The following SORBS2 variants were observed in gnomAD, a reference collection of about 807,000 sequenced individuals.
SORBS2 encodes the protein sorbin and SH3 domain-containing protein 2.
Under a neutral mutation model 97.7 loss-of-function variants are expected in SORBS2, and 46 were observed. The ratio of observed to expected loss-of-function variants is 0.47; its 90% confidence interval spans 0.37 to 0.60. SORBS2 has a LOEUF of 0.60. SORBS2 is among the 20% of genes least tolerant of loss of function. The probability of loss-of-function intolerance (pLI) is 0.00; values close to 1 mark genes in which losing one functional copy is unlikely to be tolerated. For missense variants in SORBS2, 1,316 were observed against 1,282.3 expected, an observed-to-expected ratio of 1.03 and a Z score of -0.40; for synonymous variants, 476 against 473.4, an observed-to-expected ratio of 1.01 and a Z score of -0.07.
intron 4 of SORBS2, among the ~76,000 whole-genome samples, chr4:185,631,622 C>T (rs1383236193): frequency 6.6e-6 from 1 of 152,086 alleles, no homozygotes; most frequent in Non-Finnish European, 1.5e-5. Context: ...ACGAGCCAGG[C>T]ATGGTGACAC....
chr4:185,682,731 C>A (rs2097889339), intron 2 of SORBS2, among the ~76,000 whole-genome samples: 1 of 152,024 alleles, frequency 6.6e-6, no homozygotes, highest in Admixed American at 6.6e-5. Context: ...AAAAAGGGGG[C>A]CAGGTGTAGT....
chr4:185,639,071 G>A (rs1292145102), intron 4 of SORBS2, 36 bp from the exon 14 acceptor site: 13 of 1,492,554 alleles, frequency 8.7e-6, no homozygotes, highest in Non-Finnish European at 1.2e-5. Flanking sequence ...TGGTTCATTA[G>A]ATGGAGGCTC....
In SORBS2 at chr4:185,742,378, C is replaced by T. The variant is rs998836942; in HGVS notation, c.-198+32849G>A. ...ATTGGCCACTTAACCTTGCATATCA[C>T]AAGATGGGAATAATAAGGCACCTGC... On this transcript the variant is annotated intron_variant, in intron 2 of 20. Coordinates refer to the SORBS2 transcript ENST00000284776. 5.9e-5 allele frequency among the ~76,000 whole-genome samples: 9 copies of T among 152,290 alleles called. No individual in the cohort carries two copies. In the East Asian group the frequency reaches 1.7e-3, roughly 29 times the overall value.
intron 2 of SORBS2, among the ~76,000 whole-genome samples, chr4:185,689,370 A>G (rs61267136): frequency 0.11 from 17,257 of 152,204 alleles, 1,144 homozygotes; most frequent in African/African-American, 0.18. Flanking sequence ...TGGGCTCTAC[A>G]TTCTATTTGC....
At chr4:185,739,757 A>G (rs2098710883) in intron 2 of SORBS2, among the ~76,000 whole-genome samples, 1 of 152,226 alleles carries the variant, frequency 6.6e-6, no homozygotes, top group Admixed American at 6.5e-5. Flanking sequence ...CATGGCACTG[A>G]TTCTGAAATG....
At chr4:185,942,480 A>T (rs1483709950) in intron 1 of SORBS2, among the ~76,000 whole-genome samples, 1 of 151,678 alleles carries the variant, frequency 6.6e-6, no homozygotes. Flanking sequence ...CCTCCTGAGT[A>T]GCTGGGATTA....
At chr4:185,903,289 T>C (rs1446597368) in intron 1 of SORBS2, among the ~76,000 whole-genome samples, 1 of 152,212 alleles carries the variant, frequency 6.6e-6, no homozygotes, top group African/African-American at 2.4e-5. Flanking sequence ...TTAAGATTAG[T>C]GTGAGGTTTA....
intron 1 of SORBS2, among the ~76,000 whole-genome samples, chr4:185,954,408 C>CATAA (rs150196185): frequency 0.19 from 29,284 of 151,992 alleles, 3,361 homozygotes; most frequent in East Asian, 0.58. Context: ...TTATATTACA[C>CATAA]ATAAATGCTT....
chr4:185,888,085 C>T (rs2099240631), intron 1 of SORBS2, among the ~76,000 whole-genome samples: 1 of 116,462 alleles, frequency 8.6e-6, no homozygotes, highest in East Asian at 3.5e-4. Context: ...TATTATTTTG[C>T]TTTCTGGCAT....
At chr4:185,884,648 C>A (rs1391738306) in intron 1 of SORBS2, among the ~76,000 whole-genome samples, 1 of 152,104 alleles carries the variant, frequency 6.6e-6, no homozygotes, top group Non-Finnish European at 1.5e-5. Context: ...GGCAGTTGAC[C>A]ACTGACCTAT....
At chr4:185,800,498 C>G (rs1218785359) in intron 1 of SORBS2, among the ~76,000 whole-genome samples, 1 of 152,090 alleles carries the variant, frequency 6.6e-6, no homozygotes, top group Non-Finnish European at 1.5e-5. Flanking sequence ...GTCACAGTCT[C>G]CCCTCTGTGA....
intron 2 of SORBS2, among the ~76,000 whole-genome samples, chr4:185,766,696 C>A (rs917650376): frequency 6.6e-6 from 1 of 152,086 alleles, no homozygotes; most frequent in African/African-American, 2.4e-5. Context: ...CAATACCAAT[C>A]GAATTTTTTA....
chr4:185,638,822 G>A, intron 4 of SORBS2, 55 bp downstream of exon 14: 1 of 1,401,210 alleles, frequency 7.1e-7, no homozygotes, highest in Non-Finnish European at 9.3e-7. Flanking sequence ...GCAAGCAAGG[G>A]CTGCACCTGC....
chr4:185,690,710 T>C, intron 2 of SORBS2, 99 bp from the exon 4 acceptor site: 1 of 510,288 alleles, frequency 2.0e-6, no homozygotes, highest in Non-Finnish European at 3.6e-6. Context: ...TGTAAGTTAA[T>C]ATCACATTAT....
chr4:185,780,846 T>A (rs1192425226), intron 1 of SORBS2, among the ~76,000 whole-genome samples: 2 of 152,252 alleles, frequency 1.3e-5, no homozygotes, highest in Non-Finnish European at 2.9e-5. Context: ...AGGACCAGTA[T>A]CATTGAAAGA....
intron 1 of SORBS2, among the ~76,000 whole-genome samples, chr4:185,904,940 A>C (rs1189595047): frequency 6.6e-6 from 1 of 152,110 alleles, no homozygotes; most frequent in East Asian, 1.9e-4. Context: ...CCTTGTCTCT[A>C]CTAAAAATAC....
rs145295759 is a variant in SORBS2, at chr4:185,848,505, G to A, written c.-337-73139C>T. Among the ~76,000 whole-genome samples, 1,018 of 151,342 alleles carry A rather than the reference G, an allele frequency of 6.7e-3. 7 individuals are homozygous for A. The highest frequency in any genetic ancestry group is 0.017 in the Middle Eastern group (5 of 286). On this transcript the variant is annotated intron_variant, in intron 1 of 20. Coordinates refer to the SORBS2 transcript ENST00000284776. ...AAAATTCAAATGGATGCAAATTTAT[G>A]AAAGGTAAACTTTTAAAAAAGTCTT...
chr4:185,925,331 C>T (rs561112397), intron 1 of SORBS2, among the ~76,000 whole-genome samples: 30 of 152,172 alleles, frequency 2.0e-4, no homozygotes, highest in African/African-American at 6.7e-4. Flanking sequence ...AGTCCTAGCC[C>T]TAGAGGCAGA....
intron 2 of SORBS2, among the ~76,000 whole-genome samples, chr4:185,740,592 C>A (rs981885672): frequency 6.6e-6 from 1 of 152,156 alleles, no homozygotes; most frequent in African/African-American, 2.4e-5. Flanking sequence ...AAATAGGCAG[C>A]TCAGCCCAAC....
Sources: allele counts gnomAD v4.1 joint callset (sites outside exome capture counted in the v4.1 genomes callset), GRCh38; gene constraint gnomAD v4.1.1; transcripts MANE v1.5; gene names NCBI Gene and HGNC (gene_info 2026-07-23, HGNC 2026-07-21).